The following TNPO1 variants were observed in gnomAD, a reference collection of about 807,000 sequenced individuals.
The protein encoded by TNPO1 is transportin 1, also known as transportin-1.
TNPO1 carries 8 observed loss-of-function variants against 119.5 expected under a neutral mutation model. The observed-to-expected ratio is 0.07, with a 90% CI of 0.04 to 0.12. TNPO1 has a LOEUF of 0.12. Among genes scored for constraint, TNPO1 ranks in the 10% least tolerant of loss-of-function variants. The probability of loss-of-function intolerance (pLI) is 1.00; values close to 1 mark genes in which losing one functional copy is unlikely to be tolerated. For missense variants in TNPO1, 576 were observed against 1,089.8 expected, an observed-to-expected ratio of 0.53 and a Z score of 6.64; for synonymous variants, 362 against 363.0, an observed-to-expected ratio of 1.00 and a Z score of 0.03.
intron 1 of TNPO1, among the ~76,000 whole-genome samples, chr5:72,842,278 T>C (rs1744948342): frequency 1.3e-5 from 2 of 152,184 alleles, no homozygotes; most frequent in African/African-American, 4.8e-5. Context: ...GAGATTGATG[T>C]TTCTTTTGGA....
chr5:72,890,487 A>G (rs1474253632), intron 14 of TNPO1, among the ~76,000 whole-genome samples: 1 of 152,246 alleles, frequency 6.6e-6, no homozygotes, highest in Admixed American at 6.5e-5. Context: ...AAGTGATAGT[A>G]GAATTTTAAT....
At chr5:72,822,220 T>A (rs1176768280) in intron 1 of TNPO1, among the ~76,000 whole-genome samples, 1 of 152,114 alleles carries the variant, frequency 6.6e-6, no homozygotes, top group African/African-American at 2.4e-5. Context: ...AACAACTCAG[T>A]TTTTTAAGTG....
At chr5:72,890,775 C>A (rs1448873448) in intron 14 of TNPO1, among the ~76,000 whole-genome samples, 1 of 152,058 alleles carries the variant, frequency 6.6e-6, no homozygotes, top group Admixed American at 6.6e-5. Flanking sequence ...TCTACAAAAG[C>A]ATCTGTGTAA....
intron 6 of TNPO1, among the ~76,000 whole-genome samples, chr5:72,869,317 C>T (rs1489570360): frequency 2.0e-5 from 3 of 152,046 alleles, no homozygotes; most frequent in Admixed American, 1.3e-4. Flanking sequence ...GAGGCTGAGG[C>T]GAGTGGATCA....
At chr5:72,875,174 G>T (rs1561333513) in intron 7 of TNPO1, among the ~76,000 whole-genome samples, 1 of 152,188 alleles carries the variant, frequency 6.6e-6, no homozygotes, top group Non-Finnish European at 1.5e-5. Context: ...AACAACATCA[G>T]TTTAGGGTTA....
intron 14 of TNPO1, among the ~76,000 whole-genome samples, chr5:72,890,283 C>T (rs1257029527): frequency 6.6e-6 from 1 of 152,114 alleles, no homozygotes; most frequent in South Asian, 2.1e-4. Flanking sequence ...TTGAATCTAC[C>T]ACTTCATAAA....
intron 23 of TNPO1, among the ~76,000 whole-genome samples, chr5:72,904,632 C>CTA (rs1308271641): frequency 4.6e-5 from 7 of 152,114 alleles, no homozygotes; most frequent in Non-Finnish European, 1.0e-4. Context: ...GCCATCTCTA[C>CTA]TAAAAATACA....
intron 20 of TNPO1, 54 bp downstream of exon 20, chr5:72,897,205 T>G: frequency 1.5e-6 from 2 of 1,294,828 alleles, no homozygotes; most frequent in South Asian, 2.6e-5. Context: ...CCTTTTAATT[T>G]TAATATGCGT....
At chr5:72,886,888 CAAAAA>C (rs5868651) in intron 11 of TNPO1, among the ~76,000 whole-genome samples, 177 bp from the exon 12 acceptor site, 3 of 70,374 alleles carry the variant, frequency 4.3e-5, no homozygotes, top group African/African-American at 1.0e-4. Flanking sequence ...GACTCCATCT[CAAAAA>C]AAAAAAAAAA....
At chr5:72,906,882 A>G (rs1161351618) in intron 24 of TNPO1, among the ~76,000 whole-genome samples, 3 of 152,238 alleles carry the variant, frequency 2.0e-5, no homozygotes, top group Non-Finnish European at 2.9e-5. Flanking sequence ...GATTTTCAAC[A>G]TGAATTAAGA....
chr5:72,866,887 A>G (rs1746945751), intron 6 of TNPO1, among the ~76,000 whole-genome samples: 1 of 152,142 alleles, frequency 6.6e-6, no homozygotes, highest in Non-Finnish European at 1.5e-5. Flanking sequence ...AATGTTAGGT[A>G]AAGTAGAGCA....
chr5:72,900,697 G>A (rs1749740269), intron 21 of TNPO1, among the ~76,000 whole-genome samples: 6 of 152,030 alleles, frequency 3.9e-5, no homozygotes, highest in Admixed American at 3.9e-4. Flanking sequence ...CTTGGCTCAG[G>A]CTCATTAATA....
chr5:72,887,007 CAATA>C, intron 11 of TNPO1, 59 bp from the exon 12 acceptor site: 1 of 1,342,088 alleles, frequency 7.5e-7, no homozygotes. Flanking sequence ...GTTACATATA[CAATA>C]AATAATATAT....
chr5:72,858,451 A>G (rs937582886), intron 4 of TNPO1, among the ~76,000 whole-genome samples: 4 of 152,134 alleles, frequency 2.6e-5, no homozygotes, highest in African/African-American at 9.7e-5. Context: ...CCTCCACCCC[A>G]CTTTTTGATA....
At chr5:72,851,868 CTACTT>C (rs1324745326) in intron 3 of TNPO1, among the ~76,000 whole-genome samples, 1 of 152,120 alleles carries the variant, frequency 6.6e-6, no homozygotes, top group African/African-American at 2.4e-5. Flanking sequence ...GTTGCAAAGT[CTACTT>C]TAATGTTTTG....
intron 4 of TNPO1, among the ~76,000 whole-genome samples, chr5:72,857,859 C>T (rs1746126685): frequency 6.6e-6 from 1 of 152,176 alleles, no homozygotes; most frequent in Non-Finnish European, 1.5e-5. Context: ...CTAATGAGTA[C>T]TTTCACCTTC....
intron 1 of TNPO1, among the ~76,000 whole-genome samples, chr5:72,843,831 A>T (rs1745017946): frequency 6.6e-6 from 1 of 152,180 alleles, no homozygotes; most frequent in South Asian, 2.1e-4. Flanking sequence ...GGGAAAATGC[A>T]TCTCTGTCTC....
intron 1 of TNPO1, among the ~76,000 whole-genome samples, chr5:72,824,812 T>G (rs1333263130): frequency 1.3e-5 from 2 of 152,164 alleles, no homozygotes; most frequent in Non-Finnish European, 2.9e-5. Context: ...CCTCCTCAAT[T>G]CCAGTCTTAC....
chr5:72,831,588 T>A (rs894892637), intron 1 of TNPO1, among the ~76,000 whole-genome samples: 1 of 152,008 alleles, frequency 6.6e-6, no homozygotes, highest in East Asian at 1.9e-4. Flanking sequence ...AGAACAGTAA[T>A]CACAAGTATA....
Sources: allele counts gnomAD v4.1 joint callset (sites outside exome capture counted in the v4.1 genomes callset), GRCh38; gene constraint gnomAD v4.1.1; transcripts MANE v1.5; gene names NCBI Gene and HGNC (gene_info 2026-07-23, HGNC 2026-07-21).